The following TBXAS1 variants were observed in gnomAD, a reference collection of about 807,000 sequenced individuals.
TBXAS1 encodes thromboxane-A synthase.
A neutral mutation model predicts 60.7 loss-of-function variants in TBXAS1; 48 were observed. That is an observed-to-expected ratio of 0.79 (90% CI 0.63 to 1.01). TBXAS1 has a LOEUF of 1.01. Ranked by LOEUF, TBXAS1 falls within the 50% of genes least tolerant of loss-of-function variation. TBXAS1 has a pLI of 0.00. For synonymous variants in TBXAS1, 287 were observed against 269.7 expected, an observed-to-expected ratio of 1.06 and a Z score of -0.63; for missense variants, 685 against 686.3, an observed-to-expected ratio of 1.00 and a Z score of 0.02.
intron 3 of TBXAS1, among the ~76,000 whole-genome samples, chr7:139,903,603 TCTA>T (rs949445339): frequency 1.1e-4 from 17 of 152,102 alleles, no homozygotes; most frequent in Middle Eastern, 3.4e-3. Flanking sequence ...CACGCCAACA[TCTA>T]CTGTTTTTTT....
chr7:139,843,111 T>C (rs1190102255), intron 1 of TBXAS1, among the ~76,000 whole-genome samples: 4 of 152,176 alleles, frequency 2.6e-5, no homozygotes, highest in Non-Finnish European at 5.9e-5. Context: ...TGCACTGACA[T>C]GCCTGTTCCC....
intron 1 of TBXAS1, among the ~76,000 whole-genome samples, chr7:139,859,089 G>A (rs536072272): frequency 6.6e-6 from 1 of 152,084 alleles, no homozygotes; most frequent in Non-Finnish European, 1.5e-5. Flanking sequence ...TGGTCAGGCT[G>A]GTCTCAAACT....
chr7:139,982,642 G>A (rs575927396), intron 9 of TBXAS1, among the ~76,000 whole-genome samples: 74 of 152,198 alleles, frequency 4.9e-4, no homozygotes, highest in African/African-American at 1.2e-3. Context: ...TGTACAATCT[G>A]CTCGACATCC....
intron 1 of TBXAS1, among the ~76,000 whole-genome samples, chr7:139,866,243 C>T (rs1264896573): frequency 6.6e-6 from 1 of 152,092 alleles, no homozygotes; most frequent in East Asian, 1.9e-4. Context: ...TGTGGGAAAA[C>T]CTCTGCGCAG....
intron 4 of TBXAS1, among the ~76,000 whole-genome samples, chr7:139,803,808 T>C (rs1432849731): frequency 6.6e-6 from 1 of 152,180 alleles, no homozygotes; most frequent in East Asian, 1.9e-4. Flanking sequence ...GGTTTGAGCC[T>C]GCAGGTGCAA....
chr7:139,858,110 G>A (rs927372228), intron 1 of TBXAS1, among the ~76,000 whole-genome samples: 1 of 152,132 alleles, frequency 6.6e-6, no homozygotes, highest in African/African-American at 2.4e-5. Context: ...CCATTTTAAG[G>A]CAGTTTCTTT....
At position 139,947,153 on chromosome 7, in the gene TBXAS1, TA is replaced by T. The variant is rs528623116; in HGVS notation, c.451-6205del. Reference sequence around the variant, plus strand: ...CAGACACAGTTGGTAGAAAATCCATTAAAAAAAAAACTGGTGCCCATCAATG... The same window carrying T: ...CAGACACAGTTGGTAGAAAATCCATTAAAAAAAAACTGGTGCCCATCAATG... On this transcript the variant is annotated intron_variant, in intron 5 of 12. Coordinates refer to ENST00000448866, the MANE Select transcript of TBXAS1 (RefSeq NM_001061.7). 1.7e-3 allele frequency among the ~76,000 whole-genome samples: 244 copies of T among 147,174 alleles called. 2 individuals are homozygous for T. The Middle Eastern group carries it at 0.024, about 15-fold the overall frequency.
chr7:139,934,872 G>T (rs558696124), intron 4 of TBXAS1, among the ~76,000 whole-genome samples: 1 of 152,080 alleles, frequency 6.6e-6, no homozygotes, highest in African/African-American at 2.4e-5. Flanking sequence ...GAGTGCAGTG[G>T]CGCAATCTCA....
chr7:139,901,891 G>A (rs1804610226), intron 3 of TBXAS1, among the ~76,000 whole-genome samples: 1 of 151,928 alleles, frequency 6.6e-6, no homozygotes, highest in South Asian at 2.1e-4. Context: ...AGGGAGCTTG[G>A]CTGTGAATTT....
chr7:139,809,631 A>G (rs1430289750), intron 4 of TBXAS1, among the ~76,000 whole-genome samples: 2 of 152,106 alleles, frequency 1.3e-5, no homozygotes, highest in Non-Finnish European at 2.9e-5. Context: ...AAGGCTTGAG[A>G]ACTTGAGGGG....
At chr7:140,008,447 CTTTT>C (rs35875761) in intron 10 of TBXAS1, among the ~76,000 whole-genome samples, 1 of 126,050 alleles carries the variant, frequency 7.9e-6, no homozygotes. Context: ...TTCTTTTATT[CTTTT>C]TTTTTTTTTT....
chr7:139,871,877 G>A (rs563995450), intron 1 of TBXAS1, among the ~76,000 whole-genome samples: 26 of 152,288 alleles, frequency 1.7e-4, no homozygotes, highest in South Asian at 1.5e-3. Flanking sequence ...GCAATTGCTC[G>A]TGATAGATTT....
intron 9 of TBXAS1, among the ~76,000 whole-genome samples, chr7:139,974,178 G>T (rs1811404393): frequency 6.6e-6 from 1 of 152,180 alleles, no homozygotes; most frequent in African/African-American, 2.4e-5. Context: ...TGAAAAGGAG[G>T]GAGGTCCAGA....
chr7:139,967,568 G>T (rs1023915080), intron 9 of TBXAS1, among the ~76,000 whole-genome samples: 9 of 152,176 alleles, frequency 5.9e-5, no homozygotes, highest in Non-Finnish European at 1.5e-5. Context: ...CAGTGACTTC[G>T]AGAGGGTCAT....
intron 1 of TBXAS1, among the ~76,000 whole-genome samples, chr7:139,868,862 A>G (rs1024558121): frequency 2.0e-5 from 3 of 151,846 alleles, no homozygotes; most frequent in East Asian, 3.9e-4. Context: ...CATGTTGGCC[A>G]GGCTGATCTC....
chr7:139,919,873 T>C (rs754635645), intron 4 of TBXAS1, among the ~76,000 whole-genome samples: 1 of 152,202 alleles, frequency 6.6e-6, no homozygotes, highest in Non-Finnish European at 1.5e-5. Context: ...AAAAGTACTG[T>C]GTTTGCTGTA....
chr7:140,009,841 CCCGCCCCACAG>C (rs1177462291), intron 10 of TBXAS1, among the ~76,000 whole-genome samples: 2 of 123,574 alleles, frequency 1.6e-5, no homozygotes, highest in African/African-American at 6.4e-5. Flanking sequence ...CTGTCCCATG[CCCGCCCCACAG>C]CCGCCCCACA....
rs1814794652 is a variant in TBXAS1, at chr7:140,013,693, T to C, written c.1227-2030T>C. Among the ~76,000 whole-genome samples the C allele has an allele frequency of 1.3e-5, 2 of 152,140 alleles. No homozygotes were observed. The highest frequency in any genetic ancestry group is 1.5e-5 in the Non-Finnish European group (1 of 68,020). ...AGCTGCAGTGGCTCCAGCAGTCAGATTGGGGTGTGATCTCACAGCACCAGG... is the reference window on the plus strand; with the variant it reads ...AGCTGCAGTGGCTCCAGCAGTCAGACTGGGGTGTGATCTCACAGCACCAGG... On this transcript the variant is annotated intron_variant, in intron 10 of 12. Coordinates refer to ENST00000448866, the MANE Select transcript of TBXAS1 (RefSeq NM_001061.7). The surrounding 1 kb of genome is among the most constrained non-coding windows in gnomAD (Gnocchi z 4.2).
At chr7:140,000,375 G>T (rs1813586341) in intron 9 of TBXAS1, among the ~76,000 whole-genome samples, 1 of 152,160 alleles carries the variant, frequency 6.6e-6, no homozygotes, top group African/African-American at 2.4e-5. Context: ...AGGCATGGTG[G>T]CTTGCACCTG....
Sources: allele counts gnomAD v4.1 joint callset (sites outside exome capture counted in the v4.1 genomes callset), GRCh38; gene constraint gnomAD v4.1.1; non-coding constraint Gnocchi (gnomAD v3.1); transcripts MANE v1.5; gene names NCBI Gene and HGNC (gene_info 2026-07-23, HGNC 2026-07-21).